TNRC6C: variants seen among roughly 807,000 people sequenced by gnomAD.
TNRC6C encodes the protein trinucleotide repeat-containing gene 6C protein.
A neutral mutation model predicts 153.7 loss-of-function variants in TNRC6C; 20 were observed. That is an observed-to-expected ratio of 0.13 (90% CI 0.09 to 0.19). The LOEUF (loss-of-function observed/expected upper bound fraction) is 0.19, where lower values mean the gene tolerates loss of function less well. Among genes scored for constraint, TNRC6C ranks in the 10% least tolerant of loss-of-function variants. The probability of loss-of-function intolerance (pLI) is 1.00; values close to 1 mark genes in which losing one functional copy is unlikely to be tolerated. For missense variants in TNRC6C, 1,987 were observed against 2,172.0 expected (o/e 0.91, Z 1.69); for synonymous variants, 811 against 841.4 (o/e 0.96, Z 0.63).
intron 11 of TNRC6C, among the ~76,000 whole-genome samples, chr17:78,084,878 C>T (rs1567958906): frequency 1.3e-5 from 2 of 152,124 alleles, no homozygotes; most frequent in African/African-American, 2.4e-5. Flanking sequence ...GTGATCCTCC[C>T]GCCTCAGACT....
intron 3 of TNRC6C, among the ~76,000 whole-genome samples, chr17:78,060,079 C>T (rs932921719): frequency 2.6e-5 from 4 of 152,050 alleles, no homozygotes; most frequent in South Asian, 2.1e-4. Context: ...GAAGGGACCC[C>T]GAATCTGTAA....
At chr17:77,975,200 A>G (rs2070981636) in intron 1 of TNRC6C, among the ~76,000 whole-genome samples, 1 of 152,200 alleles carries the variant, frequency 6.6e-6, no homozygotes, top group Non-Finnish European at 1.5e-5. Flanking sequence ...AATAATGTAC[A>G]TCAAAAGAAT....
rs369779944 is a variant in TNRC6C at position 78,049,748 on chromosome 17, A to T, written c.686A>T (p.Asn229Ile). The change falls in exon 3 of 20, where the codon AAT (asparagine) becomes ATT (isoleucine). Residue 229 changes from asparagine (N) to isoleucine (I), a missense_variant. Transcript: ENST00000301624. The surrounding 1 kb of genome is among the most constrained non-coding windows in gnomAD (Gnocchi z 4.1). Reference sequence around the variant, plus strand: ...CACCTGCAAGGCCTTCCTGGTGCTAATGGATCATCAGTTTCTCAAGTCAGT... The same window carrying T: ...CACCTGCAAGGCCTTCCTGGTGCTATTGGATCATCAGTTTCTCAAGTCAGT... 3 of 1,590,464 alleles carry T rather than the reference A, an allele frequency of 1.9e-6. No homozygotes were observed. The highest frequency in any genetic ancestry group is 2.2e-5 in the East Asian group (1 of 44,652).
At chr17:78,003,436 T>C (rs1027165917), upstream of TNRC6C, among the ~76,000 whole-genome samples, 1 of 152,098 alleles carries the variant, frequency 6.6e-6, no homozygotes, top group Non-Finnish European at 1.5e-5. Context: ...CAGGGTGTTG[T>C]GGAAAAGGAG....
At chr17:78,067,908 A>T in exon 5 of TNRC6C, 1 of 1,611,626 alleles carries the variant, frequency 6.2e-7, no homozygotes, top group Non-Finnish European at 8.5e-7. Context: ...ACGCCCCCAA[A>T]AAAGGACTTC....
intron 2 of TNRC6C, among the ~76,000 whole-genome samples, chr17:78,048,478 T>TGTC (rs2072453676): frequency 6.6e-6 from 1 of 152,248 alleles, no homozygotes; most frequent in East Asian, 1.9e-4. Context: ...GTGAACTTAC[T>TGTC]GTCATTGCCA....
chr17:78,039,103 C>A (rs1175642583), intron 2 of TNRC6C, among the ~76,000 whole-genome samples: 1 of 152,178 alleles, frequency 6.6e-6, no homozygotes, highest in Non-Finnish European at 1.5e-5. Context: ...TAATAACAGG[C>A]AAGTTGGAAC....
chr17:78,006,022 T>C (rs2071490023), intron 1 of TNRC6C, among the ~76,000 whole-genome samples: 1 of 152,156 alleles, frequency 6.6e-6, no homozygotes, highest in South Asian at 2.1e-4. Flanking sequence ...ACACATGCAC[T>C]CTCACAGCTA....
exon 13 of TNRC6C, chr17:78,086,990 G>A (rs373871416): frequency 2.0e-5 from 32 of 1,613,596 alleles, no homozygotes; most frequent in Non-Finnish European, 2.4e-5. Flanking sequence ...CAGGCAAATC[G>A]GCCATGGACA....
In TNRC6C at chr17:77,966,130, C is replaced by T. The variant is rs113581516; in HGVS notation, c.-38+6862C>T. Among the ~76,000 whole-genome samples the T allele has an allele frequency of 2.6e-5, 4 of 152,040 alleles. No individual in the cohort carries two copies. The East Asian group carries it at 5.8e-4, about 22-fold the overall frequency. On this transcript the variant is annotated intron_variant, in intron 1 of 22. Coordinates refer to the TNRC6C transcript ENST00000636222. ...ATGTTTGGAAATATTTTGTAAAGCG[C>T]GTAACATAATGGCTGAGACATAGTA...
At chr17:77,989,866 C>G (rs1191390219) in intron 1 of TNRC6C, among the ~76,000 whole-genome samples, 1 of 152,154 alleles carries the variant, frequency 6.6e-6, no homozygotes, top group African/African-American at 2.4e-5. Context: ...CTCAAACTCC[C>G]TTCCTACCTG....
intron 16 of TNRC6C, among the ~76,000 whole-genome samples, chr17:78,095,539 G>A (rs1470617817): frequency 6.6e-6 from 1 of 152,208 alleles, no homozygotes; most frequent in Non-Finnish European, 1.5e-5. Context: ...TCTTGAGCCT[G>A]CCCTGGCACT....
chr17:78,065,877 T>C (rs920240550), intron 4 of TNRC6C, among the ~76,000 whole-genome samples: 4 of 152,228 alleles, frequency 2.6e-5, no homozygotes, highest in African/African-American at 9.6e-5. Context: ...ATGGGTGTTT[T>C]GCAATGTGAT....
At chr17:78,072,251 TATC>T (rs1268945412) in intron 6 of TNRC6C, among the ~76,000 whole-genome samples, 1 of 152,202 alleles carries the variant, frequency 6.6e-6, no homozygotes, top group East Asian at 1.9e-4. Flanking sequence ...CTGTCTCAGT[TATC>T]ATGGCACCCT....
At chr17:78,027,999 C>T (rs1403111274) in intron 1 of TNRC6C, among the ~76,000 whole-genome samples, 1 of 151,650 alleles carries the variant, frequency 6.6e-6, no homozygotes, top group African/African-American at 2.4e-5. Flanking sequence ...GGGTTCACGC[C>T]ATTCTCCTGC....
chr17:78,079,603 C>T lies in TNRC6C; in HGVS notation c.3357+62C>T. ...TATAGATGCCAGTGTTTCGTGGGGT[C>T]CTGTGTTATCTGGAAGTCACTATTT... On this transcript the variant is annotated intron_variant, in intron 10 of 19. Transcript: ENST00000301624. The surrounding 1 kb of genome is among the most constrained non-coding windows in gnomAD (Gnocchi z 4.3). The T allele has an allele frequency of 6.4e-7, 1 of 1,570,784 alleles. No homozygotes were observed. Among genetic ancestry groups the T allele is most frequent in the Admixed American group, 1.7e-5 (1 of 57,156 alleles).
exon 3 of TNRC6C, chr17:78,050,398 A>G: frequency 1.9e-6 from 3 of 1,614,010 alleles, no homozygotes; most frequent in Non-Finnish European, 2.5e-6. Flanking sequence ...AGTTCTGTCT[A>G]ATACTGGTTG....
chr17:78,064,796 T>C (rs1324775046), exon 4 of TNRC6C: 1 of 1,613,974 alleles, frequency 6.2e-7, no homozygotes, highest in Admixed American at 1.7e-5. Flanking sequence ...ATCCTCCCCT[T>C]CTACCCTGGT....
At chr17:78,030,673 TAAAAC>T (rs1336156997) in intron 1 of TNRC6C, among the ~76,000 whole-genome samples, 2 of 152,176 alleles carry the variant, frequency 1.3e-5, no homozygotes, top group South Asian at 2.1e-4. Context: ...TCATCAGAAT[TAAAAC>T]AAAAATACAT....
Sources: gnomAD v4.1 joint callset for allele counts (sites outside exome capture counted in the v4.1 genomes callset) on GRCh38, gnomAD v4.1.1 for gene constraint, Gnocchi (gnomAD v3.1) non-coding constraint, MANE v1.5 for transcripts, NCBI Gene and HGNC (gene_info 2026-07-23, HGNC 2026-07-21) for gene names.